The following EDN3 variants were observed in gnomAD, a reference collection of about 807,000 sequenced individuals.
EDN3 encodes endothelin-3.
In EDN3, 9 loss-of-function variants were observed where a neutral mutation model predicts 21.4. The observed-to-expected ratio is 0.42, with a 90% confidence interval of 0.25 to 0.73. The LOEUF (loss-of-function observed/expected upper bound fraction) is 0.73. EDN3 is among the 30% of genes least tolerant of loss of function. The pLI is 0.26. For synonymous variants in EDN3, 133 were observed against 126.2 expected, an observed-to-expected ratio of 1.05 and a Z score of -0.36; for missense variants, 327 against 309.4, an observed-to-expected ratio of 1.06 and a Z score of -0.43.
chr20:59,324,582 G>C lies in EDN3; in HGVS notation c.*123G>C. ...CTGGGGCAGAACACCCACCCAAAGA[G>C]TCCCCACTTAACAATACCCCCCCCC... On this transcript the variant is annotated 3_prime_UTR_variant, in exon 5 of 5. Transcript: ENST00000337938. 1 of 1,360,592 alleles carries C rather than the reference G, an allele frequency of 7.3e-7. No individual in the cohort carries two copies. The highest frequency in any genetic ancestry group is 1.0e-6 in the Non-Finnish European group (1 of 980,304). 84.3% of individuals were successfully genotyped at this position (1,360,592 alleles called of 1,614,324 possible).
chr20:59,325,657 T>G lies in EDN3; in HGVS notation c.*1198T>G, dbSNP rs1990797593. 1 of 152,210 alleles carries G rather than the reference T, an allele frequency of 6.6e-6. No individual in the cohort carries two copies. Among genetic ancestry groups the G allele is most frequent in the South Asian group, 2.1e-4 (1 of 4,832 alleles). 9.4% of individuals were successfully genotyped at this position (152,210 alleles called of 1,614,324 possible). A position where few individuals can be genotyped will look rare whatever the true frequency, so the allele number is the denominator to read the frequency against. On this transcript the variant is annotated 3_prime_UTR_variant, in exon 5 of 5. Coordinates refer to ENST00000337938, the MANE Select transcript of EDN3 (RefSeq NM_207034.3). ...TTACAGGTATAAAAGTGATGACCTA[T>G]CATGAGGAAATGAAAGTGGCTGATT...
intron 2 of EDN3, among the ~76,000 whole-genome samples, chr20:59,311,937 G>T (rs60322152): frequency 6.6e-6 from 1 of 152,178 alleles, no homozygotes; most frequent in Non-Finnish European, 1.5e-5. Flanking sequence ...TGCTCATGAA[G>T]ATCTTTTCCA....
At position 59,300,673 on chromosome 20, in the gene EDN3, C is replaced by G; in HGVS notation, c.-140C>G. 1.3e-6 allele frequency: 1 copy of G among 790,748 alleles called. No homozygotes were observed. The highest frequency in any genetic ancestry group is 2.0e-6 in the Non-Finnish European group (1 of 493,552). The allele number at this position is 790,748 out of a possible 1,614,324, so 49.0% of individuals were successfully genotyped here. On this transcript the variant is annotated 5_prime_UTR_variant, in exon 1 of 5. Coordinates refer to ENST00000337938, the MANE Select transcript of EDN3 (RefSeq NM_207034.3). Reference sequence around the variant, plus strand: ...CGCCGCAGCCAACTCCTGGCCGGAGCTGGAGACGCAGCGAGCGATCGGCCG... The same window carrying G: ...CGCCGCAGCCAACTCCTGGCCGGAGGTGGAGACGCAGCGAGCGATCGGCCG...
chr20:59,313,290 G>A (rs1005970792), intron 2 of EDN3, among the ~76,000 whole-genome samples: 1 of 152,196 alleles, frequency 6.6e-6, no homozygotes, highest in African/African-American at 2.4e-5. Flanking sequence ...GGATGGAGAG[G>A]TGAATGGGGC....
chr20:59,304,668 T>C (rs1210932986), intron 2 of EDN3, among the ~76,000 whole-genome samples: 1 of 152,178 alleles, frequency 6.6e-6, no homozygotes, highest in Non-Finnish European at 1.5e-5. Context: ...AGGAGTCATA[T>C]TGGGAGTTAC....
chr20:59,324,307 T>A, intron 4 of EDN3, 24 bp from the exon 5 acceptor site: 1 of 1,614,008 alleles, frequency 6.2e-7, no homozygotes. Context: ...TTTTTTTTTC[T>A]TTTGCCCCCT....
chr20:59,303,077 C>A (rs1422566218), intron 2 of EDN3, among the ~76,000 whole-genome samples: 1 of 152,198 alleles, frequency 6.6e-6, no homozygotes, highest in South Asian at 2.1e-4. Context: ...TGCACAAAGT[C>A]CTGCACTCAG....
chr20:59,301,561 G>C lies in EDN3; in HGVS notation c.204G>C (p.Pro68=). The change falls in exon 2 of 5, where the codon CCG becomes CCC. Residue 68 remains proline, a synonymous_variant. Transcript: ENST00000337938. ...GCCCTGGCGAGGGGACTGTGGCCCC[G>C]ACAGCACTGCAGGGTCCAAGCCCTG... ...VAGPGEGTVA[P]TALQGPSPGS... 6.2e-7 allele frequency: 1 copy of C among 1,613,344 alleles called. No individual in the cohort carries two copies. The highest frequency in any genetic ancestry group is 8.5e-7 in the Non-Finnish European group (1 of 1,179,796).
At chr20:59,314,008 C>G (rs1258008534) in intron 2 of EDN3, among the ~76,000 whole-genome samples, 1 of 152,164 alleles carries the variant, frequency 6.6e-6, no homozygotes, top group East Asian at 1.9e-4. Context: ...CTGAGGTGGT[C>G]AAATGAGCGT....
Position 59,303,454 on chromosome 20 carries a change from C to T in EDN3, c.365+1732C>T, listed in dbSNP as rs552069938. Among the ~76,000 whole-genome samples the T allele has an allele frequency of 3.9e-5, 6 of 152,342 alleles. No homozygotes were observed. In the East Asian group the frequency reaches 1.2e-3, roughly 29 times the overall value. On this transcript the variant is annotated intron_variant, in intron 2 of 4. Coordinates refer to ENST00000337938, the MANE Select transcript of EDN3 (RefSeq NM_207034.3). ...ACTTCATAGAATGGAGGGCACTGGG[C>T]AGTCACCAGGAACCGAGTTCTTGTC...
chr20:59,320,923 T>A, intron 2 of EDN3, 94 bp from the exon 3 acceptor site: 1 of 1,395,142 alleles, frequency 7.2e-7, no homozygotes. Flanking sequence ...CTGAGACCTT[T>A]TCAGCCAGGC....
intron 4 of EDN3, among the ~76,000 whole-genome samples, chr20:59,323,281 C>A (rs2146886745): frequency 6.6e-6 from 1 of 152,308 alleles, no homozygotes; most frequent in Admixed American, 6.5e-5. Flanking sequence ...GAGCATGAGT[C>A]AGACCCAGAT....
chr20:59,302,420 C>T (rs1568825001), intron 2 of EDN3, among the ~76,000 whole-genome samples: 1 of 152,178 alleles, frequency 6.6e-6, no homozygotes, highest in African/African-American at 2.4e-5. Context: ...CAGCACCATC[C>T]TGAATTTGTC....
chr20:59,323,965 A>G (rs188300484), intron 4 of EDN3, among the ~76,000 whole-genome samples: 1 of 152,346 alleles, frequency 6.6e-6, no homozygotes, highest in African/African-American at 2.4e-5. Flanking sequence ...GGGAAGAAAA[A>G]GTCTCTTATT....
chr20:59,307,205 T>A (rs1391253342), intron 2 of EDN3, among the ~76,000 whole-genome samples: 5 of 152,172 alleles, frequency 3.3e-5, no homozygotes, highest in African/African-American at 1.2e-4. Context: ...GTTGGACATG[T>A]GGCCATATGA....
At chr20:59,306,614 A>AAAAAAAAAAAAAAAAAAC in intron 2 of EDN3, among the ~76,000 whole-genome samples, 1 of 147,026 alleles carries the variant, frequency 6.8e-6, no homozygotes, top group Non-Finnish European at 1.5e-5. Flanking sequence ...AAAAAAAAAA[A>AAAAAAAAAAAAAAAAAAC]AAAAAGCATT....
chr20:59,300,686 G>C lies in EDN3; in HGVS notation c.-127G>C. The C allele has an allele frequency of 2.2e-6, 2 of 907,724 alleles. No individual in the cohort carries two copies. Among genetic ancestry groups the C allele is most frequent in the South Asian group, 1.5e-5 (1 of 64,554 alleles). 56.2% of individuals were successfully genotyped at this position (907,724 alleles called of 1,614,324 possible). A position where few individuals can be genotyped will look rare whatever the true frequency, so the allele number is the denominator to read the frequency against. ...TCCTGGCCGGAGCTGGAGACGCAGC[G>C]AGCGATCGGCCGGCCTCGAACCCCC... On this transcript the variant is annotated 5_prime_UTR_variant, in exon 1 of 5. Transcript: ENST00000337938.
In EDN3 at chr20:59,301,449, G is replaced by A; in HGVS notation, c.92G>A (p.Arg31His). ...TCCCAGTCTGGGGATGCTGGCAGGC[G>A]CGGCGTGTCCCAGGCCCCCACTGCA... The part of the protein sequence containing the change: ...PCSQSGDAGR[R>H]GVSQAPTAAR... The change falls in exon 2 of 5, where the codon CGC becomes CAC. Residue 31 changes from arginine to histidine, a missense_variant. Transcript: ENST00000337938. 1.9e-6 allele frequency: 3 copies of A among 1,613,142 alleles called. No homozygotes were observed. The highest frequency in any genetic ancestry group is 1.7e-6 in the Non-Finnish European group (2 of 1,180,030).
intron 1 of EDN3, 44 bp downstream of exon 1, chr20:59,300,908 C>T (rs1270616823): frequency 6.2e-7 from 1 of 1,601,212 alleles, no homozygotes; most frequent in Non-Finnish European, 8.5e-7. Context: ...CGAGCGCACA[C>T]AAAAGGACCC....
Sources: gnomAD v4.1 joint callset for allele counts (sites outside exome capture counted in the v4.1 genomes callset) on GRCh38, gnomAD v4.1.1 for gene constraint, MANE v1.5 for transcripts, NCBI Gene and HGNC (gene_info 2026-07-23, HGNC 2026-07-21) for gene names.